The following CDCA7 variants were observed in gnomAD, a reference collection of about 807,000 sequenced individuals.
CDCA7 encodes the protein cell division cycle associated 7.
In CDCA7, 28 loss-of-function variants were observed where a neutral mutation model predicts 54.0. The ratio of observed to expected loss-of-function variants is 0.52; its 90% CI spans 0.38 to 0.71. The LOEUF (loss-of-function observed/expected upper bound fraction) is 0.71. CDCA7 is among the 30% of genes least tolerant of loss of function. The pLI, the probability that CDCA7 is intolerant of heterozygous loss-of-function variation, is 0.00. For missense variants in CDCA7, 484 were observed against 586.0 expected (o/e 0.83, Z 1.80); for synonymous variants, 180 against 208.2 (o/e 0.86, Z 1.16).
chr2:173,362,239 G>C (rs1686635122), intron 3 of CDCA7, among the ~76,000 whole-genome samples: 1 of 152,182 alleles, frequency 6.6e-6, no homozygotes, highest in South Asian at 2.1e-4. Flanking sequence ...AAGTAGATTA[G>C]AGAAGTACCT....
intron 7 of CDCA7, 50 bp downstream of exon 7, chr2:173,365,642 G>A: frequency 6.3e-7 from 1 of 1,595,082 alleles, no homozygotes; most frequent in Non-Finnish European, 8.6e-7. Flanking sequence ...GTGAGAGGAA[G>A]AGAGCTTCTG....
At chr2:173,365,132 G>A (rs749574601) in intron 6 of CDCA7, 143 bp downstream of exon 6, 102 of 1,324,028 alleles carry the variant, frequency 7.7e-5, no homozygotes, top group Non-Finnish European at 9.7e-5. Flanking sequence ...AACTGTAAAC[G>A]TCACATAAGC....
chr2:173,362,843 G>T (rs533418561), intron 3 of CDCA7, among the ~76,000 whole-genome samples: 1 of 152,182 alleles, frequency 6.6e-6, no homozygotes, highest in East Asian at 1.9e-4. Context: ...CTCCCAAAGT[G>T]CTGGGATTAC....
At chr2:173,357,728 A>T (rs976943125) in intron 1 of CDCA7, among the ~76,000 whole-genome samples, 1 of 152,120 alleles carries the variant, frequency 6.6e-6, no homozygotes, top group African/African-American at 2.4e-5. Context: ...TAATTTTTTT[A>T]AAAAAACAGG....
chr2:173,367,361 G>A, intron 9 of CDCA7, 75 bp downstream of exon 9: 2 of 1,592,944 alleles, frequency 1.3e-6, no homozygotes, highest in African/African-American at 1.3e-5. Flanking sequence ...GATGATAGAT[G>A]TCAGAAGAGT....
At position 173,366,755 on chromosome 2, in the gene CDCA7, TGTG is replaced by T. The variant is rs1189734956; in HGVS notation, c.1185+329_1185+331del. ...GGTTTCACCACATTGGCCAGGATGGTGTGGTGGTACAAGATCTCTTGACCTCGT... is the reference window on the plus strand; with the variant it reads ...GGTTTCACCACATTGGCCAGGATGGTGTGGTACAAGATCTCTTGACCTCGT... On this transcript the variant is annotated intron_variant, in intron 8 of 9. Coordinates refer to ENST00000306721, the MANE Select transcript of CDCA7 (RefSeq NM_031942.5). This position sits in a 1 kb window ranked among gnomAD's most constrained non-coding sequence, Gnocchi z 4.5. Among the ~76,000 whole-genome samples the T allele has an allele frequency of 6.6e-6, 1 of 152,094 alleles. No homozygotes were observed. Among genetic ancestry groups the T allele is most frequent in the Non-Finnish European group, 1.5e-5 (1 of 68,008 alleles).
chr2:173,358,905 G>A lies in CDCA7; in HGVS notation c.147+68G>A, dbSNP rs548265197. 1,007 of 1,557,396 alleles carry A rather than the reference G, an allele frequency of 6.5e-4. 1 individual carries two copies. The highest frequency in any genetic ancestry group is 8.1e-4 in the Non-Finnish European group (935 of 1,151,914). On this transcript the variant is annotated intron_variant, in intron 2 of 9. Transcript: ENST00000306721. ...TCAAAATGCCCCAGATGCTTTGTGC[G>A]TGATTAAAACTGCTTGCTTTTTGCC... is the stretch of plus-strand genomic sequence containing the variant.
rs748445001 is a variant in CDCA7 at position 173,364,945 on chromosome 2, T to C, written c.850T>C (p.Tyr284His). 1.9e-5 allele frequency: 30 copies of C among 1,600,454 alleles called. No individual in the cohort carries two copies. The East Asian group carries it at 5.8e-4, about 31-fold the overall frequency. ...PMEEEEEEDKYMLVRKRKTVD... is the reference protein window; with the variant it reads ...PMEEEEEEDKHMLVRKRKTVD... Reference sequence around the variant, plus strand: ...GGAGGAGGAGGAGGAAGAGGATAAGTACATGTTGGTGAGAAAGAGGAAGAC... The same window carrying C: ...GGAGGAGGAGGAGGAAGAGGATAAGCACATGTTGGTGAGAAAGAGGAAGAC... The change falls in exon 6 of 10, where the codon TAC (tyrosine) becomes CAC (histidine). Residue 284 changes from tyrosine to histidine, a missense_variant. Physicochemically the swap from Tyr to His is moderately conservative, Grantham distance 83 (BLOSUM62 2). This residue lies in a region of CDCA7 where 398 missense variants were observed against 447.4 expected (regional missense o/e 0.89). Transcript: ENST00000306721.
intron 2 of CDCA7, 41 bp from the exon 3 acceptor site, chr2:173,359,214 G>GA (rs747882390): frequency 1.7e-5 from 27 of 1,551,018 alleles, no homozygotes; most frequent in East Asian, 2.2e-5. Flanking sequence ...TCTTGAAAAA[G>GA]AAAAAAAATG....
chr2:173,366,170 C>G lies in CDCA7; in HGVS notation c.1036-113C>G. On this transcript the variant is annotated intron_variant, in intron 7 of 9. Coordinates refer to ENST00000306721, the MANE Select transcript of CDCA7 (RefSeq NM_031942.5). This position sits in a 1 kb window ranked among gnomAD's most constrained non-coding sequence, Gnocchi z 4.5. Reference sequence around the variant, plus strand: ...GCATATACATGTGTATGTAGAGATTCATAGACAAAATGTAAGCCTATACTA... The same window carrying G: ...GCATATACATGTGTATGTAGAGATTGATAGACAAAATGTAAGCCTATACTA... 1.6e-6 allele frequency: 2 copies of G among 1,259,634 alleles called. No homozygotes were observed. The highest frequency in any genetic ancestry group is 2.2e-6 in the Non-Finnish European group (2 of 917,572). 78.0% of individuals were successfully genotyped at this position (1,259,634 alleles called of 1,614,324 possible).
At position 173,363,545 on chromosome 2, in the gene CDCA7, A is replaced by AT. The variant is rs2106390915; in HGVS notation, c.621+90dup. 4 of 1,337,286 alleles carry AT rather than the reference A, an allele frequency of 3.0e-6. No individual in the cohort carries two copies. The South Asian group carries it at 5.2e-5, about 17-fold the overall frequency. 82.8% of individuals were successfully genotyped at this position (1,337,286 alleles called of 1,614,324 possible). ...AAATCTGTTCCATCACGCAAAAGTT[A>AT]TTTTTTTCTGTTACATGAATAAAAA... is the stretch of plus-strand genomic sequence containing the variant. On this transcript the variant is annotated intron_variant, in intron 4 of 9. Coordinates refer to ENST00000306721, the MANE Select transcript of CDCA7 (RefSeq NM_031942.5).
At position 173,367,766 on chromosome 2, in the gene CDCA7, C is replaced by CTGTT; in HGVS notation, c.*104_*107dup. On this transcript the variant is annotated 3_prime_UTR_variant, in exon 10 of 10. Coordinates refer to ENST00000306721, the MANE Select transcript of CDCA7 (RefSeq NM_031942.5). ...TGAGTTAAAAATCTTGATGATCAGC[C>CTGTT]TGTTTCATAAGAAACTCCAATCAAG... The CTGTT allele has an allele frequency of 8.2e-7, 1 of 1,224,416 alleles. No homozygotes were observed. The highest frequency in any genetic ancestry group is 1.2e-5 in the South Asian group (1 of 82,278). The allele number at this position is 1,224,416 out of a possible 1,614,324, so 75.8% of individuals were successfully genotyped here.
chr2:173,364,029 CT>C, intron 5 of CDCA7, 134 bp downstream of exon 5: 1 of 732,580 alleles, frequency 1.4e-6, no homozygotes, highest in East Asian at 2.7e-5. Context: ...AGGAAACCCC[CT>C]GACAGATCTC....
chr2:173,360,740 G>T (rs1328581297), intron 3 of CDCA7, among the ~76,000 whole-genome samples: 3 of 152,038 alleles, frequency 2.0e-5, no homozygotes, highest in Non-Finnish European at 4.4e-5. Context: ...GCCTCCAAAA[G>T]TGCTGGGATT....
chr2:173,367,073 G>T (rs932427957), intron 8 of CDCA7, 77 bp from the exon 9 acceptor site: 1 of 1,512,508 alleles, frequency 6.6e-7, no homozygotes, highest in Non-Finnish European at 8.8e-7. Context: ...ATAAAGAAGG[G>T]GTTAAATGTA....
Position 173,365,542 on chromosome 2 carries a change from T to C in CDCA7, c.985T>C (p.Leu329=), listed in dbSNP as rs1686704185. The C allele has an allele frequency of 2.5e-6, 4 of 1,614,018 alleles. No individual in the cohort carries two copies. The highest frequency in any genetic ancestry group is 1.1e-5 in the South Asian group (1 of 91,058). The part of the protein sequence containing the change: ...RPVEEITEEE[L]ENVCSNSREK... ...AGTGGAAGAAATTACAGAGGAGGAG[T>C]TGGAGAACGTCTGCAGCAATTCTCG... The change falls in exon 7 of 10, where the codon TTG becomes CTG. Residue 329 remains leucine, a synonymous_variant. Coordinates refer to ENST00000306721, the MANE Select transcript of CDCA7 (RefSeq NM_031942.5).
At chr2:173,365,303 G>A (rs982029521) in intron 6 of CDCA7, 149 bp from the exon 7 acceptor site, 2 of 953,676 alleles carry the variant, frequency 2.1e-6, no homozygotes, top group Non-Finnish European at 3.0e-6. Context: ...TTTGTGTGAA[G>A]AAATTACAAG....
chr2:173,367,673 A>G lies in CDCA7; in HGVS notation c.*9A>G, dbSNP rs1245381311. 6.2e-7 allele frequency: 1 copy of G among 1,614,088 alleles called. No individual in the cohort carries two copies. Among genetic ancestry groups the G allele is most frequent in the South Asian group, 1.1e-5 (1 of 91,064 alleles). On this transcript the variant is annotated 3_prime_UTR_variant, in exon 10 of 10. Coordinates refer to ENST00000306721, the MANE Select transcript of CDCA7 (RefSeq NM_031942.5). The stretch of plus-strand genomic sequence containing the variant: ...TTGAAATGCAAGCATAATATCTGGA[A>G]AATTTGCTGCCTGCCTTCTACTTCT...
In CDCA7 at chr2:173,366,270, G is replaced by A. The variant is rs752781610; in HGVS notation, c.1036-13G>A. On this transcript the variant is annotated splice_polypyrimidine_tract_variant and intron_variant, in intron 7 of 9. Transcript: ENST00000306721. This position sits in a 1 kb window ranked among gnomAD's most constrained non-coding sequence, Gnocchi z 4.5. ...GGTTTTTTTTGTTTTTTTTCTTAAT[G>A]GCTTATTTGTAGGGCTCTACTTGTC... is the stretch of plus-strand genomic sequence containing the variant. 3 of 1,569,244 alleles carry A rather than the reference G, an allele frequency of 1.9e-6. No homozygotes were observed. The highest frequency in any genetic ancestry group is 2.6e-6 in the Non-Finnish European group (3 of 1,160,216).
Sources: gnomAD v4.1 joint callset for allele counts (sites outside exome capture counted in the v4.1 genomes callset) on GRCh38, gnomAD v4.1.1 for gene constraint, gnomAD v4.1.1 regional missense constraint, Gnocchi (gnomAD v3.1) non-coding constraint, MANE v1.5 for transcripts, NCBI Gene and HGNC (gene_info 2026-07-23, HGNC 2026-07-21) for gene names.